Variants in NT5DC1 observed in about 807,000 individuals in gnomAD.
NT5DC1 encodes the protein 5'-nucleotidase domain-containing protein 1.
A neutral mutation model predicts 59.4 loss-of-function variants in NT5DC1; 42 were observed. That is an observed-to-expected ratio of 0.71 (90% CI 0.55 to 0.92). NT5DC1 has a LOEUF of 0.92. Ranked by LOEUF, NT5DC1 falls within the 40% of genes least tolerant of loss-of-function variation. The pLI is 0.00. For synonymous variants in NT5DC1, 172 were observed against 188.1 expected, an observed-to-expected ratio of 0.91 and a Z score of 0.70; for missense variants, 501 against 537.1, an observed-to-expected ratio of 0.93 and a Z score of 0.66.
At chr6:116,125,531 T>A in intron 6 of NT5DC1, 2 of 1,601,620 alleles carry the variant, frequency 1.2e-6, no homozygotes, top group Non-Finnish European at 1.7e-6. Context: ...AAGAATAACT[T>A]TATACAGCAT....
chr6:116,200,554 T>G (rs1293855854), intron 6 of NT5DC1, among the ~76,000 whole-genome samples: 4 of 152,048 alleles, frequency 2.6e-5, no homozygotes, highest in Admixed American at 1.3e-4. Flanking sequence ...AAATTAAAAT[T>G]TTATTTTAAA....
At chr6:116,106,904 T>C (rs1473702878) in intron 2 of NT5DC1, among the ~76,000 whole-genome samples, 1 of 152,108 alleles carries the variant, frequency 6.6e-6, no homozygotes, top group Non-Finnish European at 1.5e-5. Flanking sequence ...CAGTTTAAAA[T>C]CAGGCCAGGC....
In NT5DC1 at chr6:116,246,942, A is replaced by G. The variant is rs1167727015; in HGVS notation, c.*2918A>G. 1 of 152,200 alleles carries G rather than the reference A, an allele frequency of 6.6e-6. No individual in the cohort carries two copies. Among genetic ancestry groups the G allele is most frequent in the Non-Finnish European group, 1.5e-5 (1 of 68,034 alleles). The allele number at this position is 152,200 out of a possible 1,614,324, so 9.4% of individuals were successfully genotyped here. The stretch of plus-strand genomic sequence containing the variant: ...AGCCTCACTAGGCTACTTCATGTAC[A>G]TTATCTTGTTTACTCTCTATAGCAA... On this transcript the variant is annotated 3_prime_UTR_variant, in exon 12 of 12. Coordinates refer to ENST00000319550, the MANE Select transcript of NT5DC1 (RefSeq NM_152729.3).
At chr6:116,107,805 C>G (rs1196134078) in intron 2 of NT5DC1, among the ~76,000 whole-genome samples, 1 of 152,124 alleles carries the variant, frequency 6.6e-6, no homozygotes, top group Middle Eastern at 3.4e-3. Flanking sequence ...ATCTCCTGAC[C>G]TCGTGATCCG....
intron 6 of NT5DC1, among the ~76,000 whole-genome samples, chr6:116,207,616 T>C (rs1416901277): frequency 1.3e-5 from 2 of 151,938 alleles, no homozygotes; most frequent in East Asian, 3.9e-4. Context: ...CTTGTTGCAT[T>C]AGATTGGAAG....
chr6:116,239,215 C>T, intron 11 of NT5DC1, 92 bp downstream of exon 11: 1 of 955,670 alleles, frequency 1.0e-6, no homozygotes, highest in Middle Eastern at 3.0e-4. Context: ...GAAATGTTGC[C>T]ACAACATTGA....
At chr6:116,170,620 G>A (rs1243602028) in intron 6 of NT5DC1, among the ~76,000 whole-genome samples, 2 of 152,164 alleles carry the variant, frequency 1.3e-5, no homozygotes, top group Non-Finnish European at 2.9e-5. Flanking sequence ...TAGGGTATAT[G>A]TTCAGAAACT....
chr6:116,147,867 A>C (rs988498189), intron 6 of NT5DC1, among the ~76,000 whole-genome samples: 7 of 152,178 alleles, frequency 4.6e-5, no homozygotes, highest in African/African-American at 1.7e-4. Context: ...CTACATTAGC[A>C]GTCATTAAAA....
chr6:116,133,452 A>T (rs1359987935), intron 6 of NT5DC1, among the ~76,000 whole-genome samples: 1 of 152,214 alleles, frequency 6.6e-6, no homozygotes, highest in Non-Finnish European at 1.5e-5. Context: ...CACAGTCACC[A>T]TCTATAGTGT....
At chr6:116,185,066 A>AT (rs769077270) in intron 6 of NT5DC1, among the ~76,000 whole-genome samples, 1 of 152,002 alleles carries the variant, frequency 6.6e-6, no homozygotes, top group Non-Finnish European at 1.5e-5. Context: ...TTGTGTCACT[A>AT]TTATCATTAA....
At chr6:116,145,434 T>C (rs1779873563) in intron 6 of NT5DC1, 1 of 377,680 alleles carries the variant, frequency 2.6e-6, no homozygotes, top group Non-Finnish European at 5.9e-6. Context: ...TTATTATCTC[T>C]TAGTAAGAAG....
chr6:116,168,169 G>C (rs1780519464), intron 6 of NT5DC1, among the ~76,000 whole-genome samples: 2 of 149,920 alleles, frequency 1.3e-5, no homozygotes, highest in African/African-American at 4.9e-5. Flanking sequence ...AAAATTCTGA[G>C]CCATTATCTC....
At chr6:116,239,382 A>C (rs567164103) in intron 11 of NT5DC1, among the ~76,000 whole-genome samples, 2 of 152,170 alleles carry the variant, frequency 1.3e-5, no homozygotes, top group South Asian at 4.2e-4. Flanking sequence ...CAAGCTGCTG[A>C]GGAGGCCCAG....
chr6:116,149,761 G>T (rs1779989520), intron 6 of NT5DC1, among the ~76,000 whole-genome samples: 1 of 152,146 alleles, frequency 6.6e-6, no homozygotes, highest in Non-Finnish European at 1.5e-5. Context: ...TAAAATAAGT[G>T]GTGAAAGAGT....
chr6:116,139,028 A>C (rs1779696319), intron 6 of NT5DC1, among the ~76,000 whole-genome samples: 1 of 152,164 alleles, frequency 6.6e-6, no homozygotes, highest in Admixed American at 6.5e-5. Context: ...TATTTTGATC[A>C]TACATGATTT....
At chr6:116,133,002 A>G (rs959895651) in intron 6 of NT5DC1, among the ~76,000 whole-genome samples, 2 of 152,218 alleles carry the variant, frequency 1.3e-5, no homozygotes, top group African/African-American at 4.8e-5. Context: ...GCATAAAAAC[A>G]GGTGTTTATG....
chr6:116,231,551 T>G (rs2114553506), intron 8 of NT5DC1, among the ~76,000 whole-genome samples: 1 of 152,354 alleles, frequency 6.6e-6, no homozygotes, highest in South Asian at 2.1e-4. Context: ...TCTCATTCAC[T>G]GCTATATCCC....
intron 6 of NT5DC1, among the ~76,000 whole-genome samples, chr6:116,179,098 A>G (rs565191424): frequency 1.3e-5 from 2 of 152,180 alleles, no homozygotes; most frequent in African/African-American, 4.8e-5. Context: ...ATTTAACATA[A>G]GTAGAGATAT....
rs41289920 is a variant in NT5DC1, at chr6:116,244,025, G to T, written c.*1G>T. On this transcript the variant is annotated 3_prime_UTR_variant, in exon 12 of 12. Coordinates refer to ENST00000319550, the MANE Select transcript of NT5DC1 (RefSeq NM_152729.3). ...TGATGAGACACTGATATCCAAATAA[G>T]TTGTCTTTACTGAAAAATGAAGTGA... The T allele has an allele frequency of 7.9e-7, 1 of 1,264,992 alleles. No individual in the cohort carries two copies. The highest frequency in any genetic ancestry group is 1.1e-6 in the Non-Finnish European group (1 of 885,268). 78.4% of individuals were successfully genotyped at this position (1,264,992 alleles called of 1,614,324 possible).
Sources: gnomAD v4.1 joint callset for allele counts (sites outside exome capture counted in the v4.1 genomes callset) on GRCh38, gnomAD v4.1.1 for gene constraint, MANE v1.5 for transcripts, NCBI Gene and HGNC (gene_info 2026-07-23, HGNC 2026-07-21) for gene names.